The following TRAPPC11 variants were observed in gnomAD, a reference collection of about 807,000 sequenced individuals.
The protein encoded by TRAPPC11 is trafficking protein particle complex subunit 11, also known as foie gras homolog.
Under a neutral mutation model 151.2 loss-of-function variants are expected in TRAPPC11, and 104 were observed. That is an observed-to-expected ratio of 0.69 (90% CI 0.59 to 0.81). The LOEUF (loss-of-function observed/expected upper bound fraction) is 0.81, where lower values mean the gene tolerates loss of function less well. TRAPPC11 is among the 30% of genes least tolerant of loss of function. TRAPPC11 has a pLI of 0.00. For synonymous variants in TRAPPC11, 456 were observed against 472.3 expected, an observed-to-expected ratio of 0.97 and a Z score of 0.45; for missense variants, 1,230 against 1,349.6, an observed-to-expected ratio of 0.91 and a Z score of 1.39.
intron 23 of TRAPPC11, among the ~76,000 whole-genome samples, chr4:183,696,867 A>G (rs546983479): frequency 6.6e-6 from 1 of 152,292 alleles, no homozygotes; most frequent in East Asian, 1.9e-4. Context: ...CTGTCACATT[A>G]CATTATTATT....
In TRAPPC11 at chr4:183,694,658, GTA is replaced by G. The variant is rs1579207748; in HGVS notation, c.2567_2568del (p.Tyr856CysfsTer10). On this transcript the variant is annotated frameshift_variant, in exon 23 of 30. Transcript: ENST00000334690. LOFTEE classifies it high-confidence loss of function. ...AACAGTGGGTTCCAGAATGTTTCTT[GTA>G]TATGTTTCTTACCTGATAAATACAA... is the stretch of plus-strand genomic sequence containing the variant. ...CGTVGSRMFLVYVSYLINTTV... is the reference protein window; with the variant it reads ...CGTVGSRMFLXYVSYLINTTV... 3.7e-6 allele frequency: 6 copies of G among 1,612,210 alleles called. No individual in the cohort carries two copies. Among genetic ancestry groups the G allele is most frequent in the Non-Finnish European group, 5.1e-6 (6 of 1,179,418 alleles).
intron 18 of TRAPPC11, among the ~76,000 whole-genome samples, chr4:183,691,068 C>T (rs1440444705): frequency 2.6e-5 from 4 of 152,164 alleles, no homozygotes; most frequent in Admixed American, 2.6e-4. Context: ...CAACAAAGAA[C>T]AAACTGTTTC....
intron 2 of TRAPPC11, among the ~76,000 whole-genome samples, chr4:183,665,248 C>G (rs1012779264): frequency 6.6e-6 from 1 of 151,976 alleles, no homozygotes; most frequent in African/African-American, 2.4e-5. Flanking sequence ...GCGCCCGCCA[C>G]CACGTCCAGC....
At chr4:183,693,767 G>C in intron 21 of TRAPPC11, 30 bp downstream of exon 21, 1 of 1,608,668 alleles carries the variant, frequency 6.2e-7, no homozygotes. Flanking sequence ...AGTTTGATCA[G>C]TATTAATCCA....
rs148483709 is a variant in TRAPPC11 at position 183,663,111 on chromosome 4, G to C, written c.-21-736G>C. ...AGACAGAGTCTCACTCTGTCACCCAGATTGGAGTGGAGTGCCGTGATCTTG... is the reference window on the plus strand; with the variant it reads ...AGACAGAGTCTCACTCTGTCACCCACATTGGAGTGGAGTGCCGTGATCTTG... On this transcript the variant is annotated intron_variant, in intron 1 of 29. Transcript: ENST00000334690. Among the ~76,000 whole-genome samples the C allele has an allele frequency of 5.0e-3, 763 of 152,186 alleles. 8 individuals carry two copies. The highest frequency in any genetic ancestry group is 0.025 in the South Asian group (118 of 4,810).
At position 183,706,838 on chromosome 4, in the gene TRAPPC11, G is replaced by A. The variant is rs1454005639; in HGVS notation, c.3087G>A (p.Ser1029=). ...DLPSFGRVRE[S]LPVKYHLQNK... is the part of the protein sequence containing the mutation. ...CGTCATTTGGGCGTGTCAGAGAGTC[G>A]TTACCTGTCAAGTATCACCTACAGA... is the stretch of plus-strand genomic sequence containing the variant. The change falls in exon 28 of 30, where the codon TCG becomes TCA. Residue 1029 remains serine, a synonymous_variant. Coordinates refer to ENST00000334690, the MANE Select transcript of TRAPPC11 (RefSeq NM_021942.6). The A allele has an allele frequency of 3.7e-6, 6 of 1,613,934 alleles. No homozygotes were observed. Among genetic ancestry groups the A allele is most frequent in the South Asian group, 3.3e-5 (3 of 91,054 alleles).
intron 20 of TRAPPC11, 143 bp downstream of exon 20, chr4:183,693,290 CA>C (rs1211654739): frequency 2.4e-6 from 2 of 827,366 alleles, no homozygotes; most frequent in Non-Finnish European, 3.6e-6. Context: ...CACCTGAGCT[CA>C]AACCATCCTC....
At chr4:183,688,120 G>C (rs1579196609) in intron 18 of TRAPPC11, among the ~76,000 whole-genome samples, 2 of 152,190 alleles carry the variant, frequency 1.3e-5, no homozygotes, top group African/African-American at 4.8e-5. Flanking sequence ...TGCTGAATCT[G>C]AGTATAGCAT....
chr4:183,661,423 G>C lies in TRAPPC11; in HGVS notation c.-22+1976G>C, dbSNP rs535508375. ...TCCTCGCTCTGTCGCCCAGGCTGGA[G>C]TGCAGTGGCGCGATCTCCGCTCACT... On this transcript the variant is annotated intron_variant, in intron 1 of 29. Coordinates refer to ENST00000334690, the MANE Select transcript of TRAPPC11 (RefSeq NM_021942.6). Among the ~76,000 whole-genome samples the C allele has an allele frequency of 1.3e-4, 17 of 128,134 alleles. 1 individual carries two copies. In the East Asian group the frequency reaches 3.4e-3, roughly 25 times the overall value. 84.1% of individuals were successfully genotyped at this position (128,134 alleles called of 152,430 possible). A position where few individuals can be genotyped will look rare whatever the true frequency, so the allele number is the denominator to read the frequency against.
chr4:183,666,170 A>T (rs1734871360), intron 2 of TRAPPC11, 87 bp from the exon 3 acceptor site: 24 of 1,233,486 alleles, frequency 1.9e-5, no homozygotes, highest in Non-Finnish European at 2.6e-5. Flanking sequence ...ATTGAATGAG[A>T]TCAATGCACA....
At chr4:183,670,405 C>T (rs78375824) in intron 5 of TRAPPC11, among the ~76,000 whole-genome samples, 183 of 152,290 alleles carry the variant, frequency 1.2e-3, no homozygotes, top group Non-Finnish European at 2.4e-3. Flanking sequence ...GTGTTCCCAA[C>T]GTTCAGACCT....
chr4:183,688,053 A>G (rs1736076248), intron 18 of TRAPPC11, among the ~76,000 whole-genome samples: 1 of 152,182 alleles, frequency 6.6e-6, no homozygotes, highest in African/African-American at 2.4e-5. Context: ...ATTACCCAGA[A>G]AGTATAGTGA....
chr4:183,704,986 G>A lies in TRAPPC11; in HGVS notation c.2971G>A (p.Ala991Thr). 6 of 1,589,732 alleles carry A rather than the reference G, an allele frequency of 3.8e-6. No individual in the cohort carries two copies. The highest frequency in any genetic ancestry group is 4.3e-6 in the Non-Finnish European group (5 of 1,162,822). ...TGACCTCTTCTGCCACAGGACCTCA[G>A]CAATGGAGAATATCCCCATCATCAC... ...HYIISWKRTS[A>T]MENIPIITTV... The change falls in exon 27 of 30, where the codon GCA becomes ACA. Residue 991 changes from alanine to threonine, a missense_variant. Transcript: ENST00000334690.
chr4:183,680,311 T>G, intron 10 of TRAPPC11, 44 bp downstream of exon 10: 5 of 1,586,894 alleles, frequency 3.2e-6, no homozygotes, highest in Non-Finnish European at 4.3e-6. Flanking sequence ...GAAAAGTTAT[T>G]CTTCTTTTGA....
chr4:183,661,733 T>C (rs1734556928), intron 1 of TRAPPC11, among the ~76,000 whole-genome samples: 1 of 150,718 alleles, frequency 6.6e-6, no homozygotes, highest in African/African-American at 2.4e-5. Context: ...ATTTAAAATG[T>C]AGTGATAATT....
chr4:183,665,152 T>C (rs1432232003), intron 2 of TRAPPC11, among the ~76,000 whole-genome samples: 9 of 146,280 alleles, frequency 6.2e-5, no homozygotes, highest in Admixed American at 2.1e-4. Context: ...TGGAGTGCTG[T>C]GGCGCGATAT....
intron 8 of TRAPPC11, 144 bp from the exon 9 acceptor site, chr4:183,679,209 G>A (rs1049816779): frequency 1.4e-5 from 10 of 734,342 alleles, no homozygotes; most frequent in Middle Eastern, 6.8e-4. Context: ...TTCTGATGAG[G>A]AAAATTAATT....
intron 26 of TRAPPC11, among the ~76,000 whole-genome samples, chr4:183,704,610 A>G (rs565295677): frequency 1.4e-3 from 216 of 151,886 alleles, no homozygotes; most frequent in Admixed American, 2.4e-3. Context: ...TCAGGAGATC[A>G]AGACCATCCT....
At chr4:183,703,023 G>C (rs1451993749) in intron 26 of TRAPPC11, among the ~76,000 whole-genome samples, 1 of 152,106 alleles carries the variant, frequency 6.6e-6, no homozygotes, top group Non-Finnish European at 1.5e-5. Flanking sequence ...TCATGAAATT[G>C]CCTTCAAAGA....
Sources: allele counts gnomAD v4.1 joint callset (sites outside exome capture counted in the v4.1 genomes callset), GRCh38; gene constraint gnomAD v4.1.1; transcripts MANE v1.5; gene names NCBI Gene and HGNC (gene_info 2026-07-23, HGNC 2026-07-21).